The following CLASP2 variants were observed in gnomAD, a reference collection of about 807,000 sequenced individuals.
CLASP2 encodes cytoplasmic linker associated protein 2.
CLASP2 carries 47 observed loss-of-function variants against 194.4 expected under a neutral mutation model. The observed-to-expected ratio is 0.24, with a 90% CI of 0.19 to 0.31. The LOEUF is 0.31. CLASP2 is among the 10% of genes least tolerant of loss of function. The pLI, the probability that CLASP2 is intolerant of heterozygous loss-of-function variation, is 1.00. For missense variants in CLASP2, 1,445 were observed against 1,823.6 expected (o/e 0.79, Z 3.78); for synonymous variants, 619 against 633.5 (o/e 0.98, Z 0.34).
intron 27 of CLASP2, among the ~76,000 whole-genome samples, chr3:33,565,523 C>T (rs1204084423): frequency 1.3e-5 from 2 of 151,896 alleles, no homozygotes; most frequent in Admixed American, 6.6e-5. Context: ...TATAATAATA[C>T]AGTATATAGG....
intron 9 of CLASP2, chr3:33,627,296 T>A: frequency 1.9e-6 from 1 of 525,612 alleles, no homozygotes; most frequent in East Asian, 3.5e-5. Context: ...TCTTCCCTCA[T>A]GAATAACTTC....
chr3:33,610,167 C>T (rs1437823027), intron 13 of CLASP2, among the ~76,000 whole-genome samples: 6 of 152,230 alleles, frequency 3.9e-5, no homozygotes, highest in African/African-American at 1.2e-4. Context: ...TTAAACAATG[C>T]TTTTCATTGT....
chr3:33,534,985 A>T (rs978160573), intron 34 of CLASP2, among the ~76,000 whole-genome samples: 4 of 152,146 alleles, frequency 2.6e-5, no homozygotes, highest in African/African-American at 9.7e-5. Flanking sequence ...GGTTTTAGTT[A>T]TTTCTGGGTG....
At chr3:33,519,021 C>T (rs947137194) in intron 34 of CLASP2, among the ~76,000 whole-genome samples, 20 of 152,122 alleles carry the variant, frequency 1.3e-4, no homozygotes, top group Non-Finnish European at 2.4e-4. Context: ...TGCCAAGGTG[C>T]AGTTTTATTA....
intron 7 of CLASP2, chr3:33,659,060 G>T (rs1416922747): frequency 5.2e-6 from 8 of 1,527,952 alleles, no homozygotes; most frequent in Non-Finnish European, 7.0e-6. Flanking sequence ...CTCAGTGCCT[G>T]CGCCACTGGG....
At chr3:33,524,428 TC>T (rs754465413) in intron 34 of CLASP2, among the ~76,000 whole-genome samples, 3 of 152,118 alleles carry the variant, frequency 2.0e-5, no homozygotes, top group African/African-American at 4.8e-5. Flanking sequence ...AGATCACTTA[TC>T]ACTTAAGCTC....
At chr3:33,525,318 G>A (rs984603992) in intron 34 of CLASP2, among the ~76,000 whole-genome samples, 1 of 152,046 alleles carries the variant, frequency 6.6e-6, no homozygotes, top group African/African-American at 2.4e-5. Context: ...AAAGGATAAA[G>A]GGGCAAGATG....
chr3:33,567,341 G>C (rs577734885), intron 26 of CLASP2, among the ~76,000 whole-genome samples: 116 of 152,302 alleles, frequency 7.6e-4, no homozygotes, highest in Non-Finnish European at 1.2e-3. Context: ...TGCTCGTCAG[G>C]AGATTCAACT....
At chr3:33,595,063 G>A in intron 19 of CLASP2, 95 bp from the exon 20 acceptor site, 1 of 643,498 alleles carries the variant, frequency 1.6e-6, no homozygotes, top group Non-Finnish European at 2.3e-6. Flanking sequence ...ACAATGAAAG[G>A]GTAAAAACAA....
At position 33,496,933 on chromosome 3, in the gene CLASP2, G is replaced by A. The variant is rs879011907; in HGVS notation, c.*1698C>T. 1 of 152,506 alleles carries A rather than the reference G, an allele frequency of 6.6e-6. No individual in the cohort carries two copies. The highest frequency in any genetic ancestry group is 2.1e-4 in the South Asian group (1 of 4,832). 9.4% of individuals were successfully genotyped at this position (152,506 alleles called of 1,614,324 possible). A position where few individuals can be genotyped will look rare whatever the true frequency, so the allele number is the denominator to read the frequency against. The stretch of plus-strand genomic sequence containing the variant: ...CACCACTGATACAAGACCGTCTAAA[G>A]TTAAAATAAAACTGAGTGACTTGTT... On this transcript the variant is annotated 3_prime_UTR_variant, in exon 39 of 39. Transcript: ENST00000682230.
chr3:33,687,612 G>A (rs910151923), intron 4 of CLASP2, among the ~76,000 whole-genome samples: 4 of 152,010 alleles, frequency 2.6e-5, no homozygotes, highest in African/African-American at 9.7e-5. Flanking sequence ...GGCTCTAGAG[G>A]GCAGAAAGGA....
Position 33,560,795 on chromosome 3 carries a change from A to G in CLASP2, c.2930+13T>C, listed in dbSNP as rs990241143. 7 of 1,608,046 alleles carry G rather than the reference A, an allele frequency of 4.4e-6. No homozygotes were observed. Among genetic ancestry groups the G allele is most frequent in the South Asian group, 1.1e-5 (1 of 90,366 alleles). ...TTATCAGGTTAACTTGAAATATATG[A>G]AAAAAATATTACCTTGTAACATCAA... On this transcript the variant is annotated intron_variant, in intron 28 of 38. Coordinates refer to ENST00000682230, the MANE Select transcript of CLASP2 (RefSeq NM_001365631.1).
At chr3:33,537,722 CATT>C (rs1239050148) in intron 33 of CLASP2, among the ~76,000 whole-genome samples, 3 of 152,032 alleles carry the variant, frequency 2.0e-5, no homozygotes, top group Admixed American at 1.3e-4. Context: ...ACATTTGCCA[CATT>C]ATTAAAAAAA....
At chr3:33,704,920 T>C (rs577664712) in intron 1 of CLASP2, among the ~76,000 whole-genome samples, 49 of 152,232 alleles carry the variant, frequency 3.2e-4, no homozygotes, top group South Asian at 8.3e-4. Flanking sequence ...CGTAGAGTGA[T>C]TGGAACCCTT....
chr3:33,682,867 C>G (rs1360762487), intron 6 of CLASP2: 3 of 152,198 alleles, frequency 2.0e-5, no homozygotes, highest in Non-Finnish European at 2.9e-5. Flanking sequence ...GTGTGAGAGA[C>G]TGAGTAACAA....
At chr3:33,572,261 T>C (rs1026799946) in intron 25 of CLASP2, among the ~76,000 whole-genome samples, 13 of 152,198 alleles carry the variant, frequency 8.5e-5, no homozygotes, top group African/African-American at 3.1e-4. Flanking sequence ...TAATATTAAC[T>C]TAATCTTGAT....
intron 6 of CLASP2, among the ~76,000 whole-genome samples, chr3:33,667,685 C>T (rs947577937): frequency 3.9e-5 from 6 of 151,966 alleles, no homozygotes; most frequent in Admixed American, 3.9e-4. Flanking sequence ...GGAAGAGTTG[C>T]AACTTCATTC....
At chr3:33,605,497 G>GTGCC (rs780577616) in intron 16 of CLASP2, among the ~76,000 whole-genome samples, 46 of 152,300 alleles carry the variant, frequency 3.0e-4, no homozygotes, top group Middle Eastern at 3.4e-3. Flanking sequence ...GACCCAGTGA[G>GTGCC]TGCCTGCTTA....
At chr3:33,624,598 T>C (rs1157390759) in intron 10 of CLASP2, among the ~76,000 whole-genome samples, 1 of 152,126 alleles carries the variant, frequency 6.6e-6, no homozygotes, top group Non-Finnish European at 1.5e-5. Context: ...TTTTTTTCTA[T>C]ACATATTTAC....
Sources: allele counts gnomAD v4.1 joint callset (sites outside exome capture counted in the v4.1 genomes callset), GRCh38; gene constraint gnomAD v4.1.1; transcripts MANE v1.5; gene names NCBI Gene and HGNC (gene_info 2026-07-23, HGNC 2026-07-21).